GRIK3: variants seen among roughly 807,000 people sequenced by gnomAD.
The protein encoded by GRIK3 is glutamate receptor ionotropic, kainate 3.
In GRIK3, 29 loss-of-function variants were observed where a neutral mutation model predicts 102.5. The ratio of observed to expected loss-of-function variants is 0.28; its 90% confidence interval spans 0.21 to 0.39. The LOEUF is 0.39. Ranked by LOEUF, GRIK3 falls within the 10% of genes least tolerant of loss-of-function variation. The pLI is 1.00. For synonymous variants in GRIK3, 511 were observed against 504.9 expected (o/e 1.01, Z -0.16); for missense variants, 908 against 1,252.4 (o/e 0.73, Z 4.15).
At chr1:36,946,425 A>G (rs1028410714) in intron 1 of GRIK3, among the ~76,000 whole-genome samples, 2 of 152,222 alleles carry the variant, frequency 1.3e-5, no homozygotes, top group Non-Finnish European at 2.9e-5. Context: ...TTCAGGCTGC[A>G]GGAAGGATGC....
intron 1 of GRIK3, among the ~76,000 whole-genome samples, chr1:37,017,667 C>T (rs561587147): frequency 6.6e-6 from 1 of 152,102 alleles, no homozygotes; most frequent in Non-Finnish European, 1.5e-5. Flanking sequence ...GCTTGAGAAG[C>T]CGAGGGCAAA....
At position 36,873,843 on chromosome 1, in the gene GRIK3, A is replaced by C. The variant is rs1640871519; in HGVS notation, c.551-1474T>G. ...GTGTTAGAACAACTGGCACAAAAAG[A>C]GGGTGAGAAACACTCCCTTTTTCAC... On this transcript the variant is annotated intron_variant, in intron 3 of 15. Transcript: ENST00000373091. Among the ~76,000 whole-genome samples, 4 of 152,348 alleles carry C rather than the reference A, an allele frequency of 2.6e-5. No homozygotes were observed. The South Asian group carries it at 8.3e-4, about 32-fold the overall frequency.
chr1:36,966,175 A>G (rs1005817212), intron 1 of GRIK3, among the ~76,000 whole-genome samples: 4 of 152,194 alleles, frequency 2.6e-5, no homozygotes, highest in African/African-American at 4.8e-5. Context: ...ACTGATGTGC[A>G]CCTTATCTGT....
rs750054371 is a variant in GRIK3, at chr1:36,841,619, C to T, written c.1530+117G>A. 4.2e-4 allele frequency: 351 copies of T among 838,858 alleles called. 1 individual carries two copies. Among genetic ancestry groups the T allele is most frequent in the Non-Finnish European group, 5.3e-4 (267 of 507,832 alleles). 52.0% of individuals were successfully genotyped at this position (838,858 alleles called of 1,614,324 possible). On this transcript the variant is annotated intron_variant, in intron 10 of 15. Coordinates refer to ENST00000373091, the MANE Select transcript of GRIK3 (RefSeq NM_000831.4). Reference sequence around the variant, plus strand: ...TCCTCAAGGTTGCAGCATTCATCTCCATCACTCCTGTCCCCAGGGCCTTTT... The same window carrying T: ...TCCTCAAGGTTGCAGCATTCATCTCTATCACTCCTGTCCCCAGGGCCTTTT...
chr1:36,841,374 C>T (rs1044136590), intron 10 of GRIK3, among the ~76,000 whole-genome samples: 1 of 152,196 alleles, frequency 6.6e-6, no homozygotes, highest in Non-Finnish European at 1.5e-5. Context: ...TGCCTTGCCC[C>T]ATAGCTGGGG....
intron 1 of GRIK3, among the ~76,000 whole-genome samples, chr1:36,975,308 T>TTTTTTTTTTTTTTTTTG (rs1642184477): frequency 6.7e-6 from 1 of 149,230 alleles, no homozygotes; most frequent in Admixed American, 6.6e-5. Context: ...TTTTTTTTTT[T>TTTTTTTTTTTTTTTTTG]GAGAGGGAGT....
chr1:36,989,701 C>G (rs138987521), intron 1 of GRIK3, among the ~76,000 whole-genome samples: 1,658 of 152,268 alleles, frequency 0.011, 12 homozygotes, highest in Admixed American at 0.019. Flanking sequence ...AGGCCAGGTC[C>G]CAGACTGGCT....
chr1:36,973,283 G>A (rs1383454401), intron 1 of GRIK3, among the ~76,000 whole-genome samples: 1 of 152,112 alleles, frequency 6.6e-6, no homozygotes, highest in Admixed American at 6.5e-5. Context: ...CTCTGGCCTA[G>A]GAAAGTGCTT....
chr1:37,024,643 T>C (rs1490589836), intron 1 of GRIK3, among the ~76,000 whole-genome samples: 1 of 147,736 alleles, frequency 6.8e-6, no homozygotes, highest in Non-Finnish European at 1.5e-5. Context: ...CTCAGGAGGC[T>C]GAGGCAGGAG....
Position 36,872,210 on chromosome 1 carries a change from A to G in GRIK3, c.710T>C (p.Met237Thr), listed in dbSNP as rs377093904. 2 of 1,606,422 alleles carry G rather than the reference A, an allele frequency of 1.2e-6. No individual in the cohort carries two copies. The highest frequency in any genetic ancestry group is 1.1e-5 in the South Asian group (1 of 89,684). Residue 237 changes from methionine (M) to threonine (T), a missense_variant, in exon 4 of 16, where the codon ATG becomes ACG. Physicochemically the swap from Met to Thr is moderately conservative, Grantham distance 81. This residue lies in a region of GRIK3 where 585 missense variants were observed against 824.9 expected (regional missense o/e 0.71). Coordinates refer to ENST00000373091, the MANE Select transcript of GRIK3 (RefSeq NM_000831.4). This position sits in a 1 kb window ranked among gnomAD's most constrained non-coding sequence, Gnocchi z 5.9. ...FRIIFDCSHT[M>T]AAQILKQAMA... ...CACCTGCTTGAGGATCTGGGCCGCCATAGTGTGGCTGCAGTCGAAGATAAT... is the reference window on the plus strand; with the variant it reads ...CACCTGCTTGAGGATCTGGGCCGCCGTAGTGTGGCTGCAGTCGAAGATAAT...
chr1:36,891,132 G>A (rs1270404490), intron 1 of GRIK3, 36 bp from the exon 2 acceptor site: 2 of 1,522,868 alleles, frequency 1.3e-6, no homozygotes, highest in Non-Finnish European at 1.8e-6. Flanking sequence ...GTGGTTGGGA[G>A]GAGGGATGGG....
intron 1 of GRIK3, among the ~76,000 whole-genome samples, chr1:36,899,554 G>A (rs1486758889): frequency 1.3e-5 from 2 of 152,136 alleles, no homozygotes; most frequent in Non-Finnish European, 2.9e-5. Context: ...TATGGATATA[G>A]AGTTATAGAG....
chr1:36,975,011 C>G (rs1343287470), intron 1 of GRIK3, among the ~76,000 whole-genome samples: 2 of 151,978 alleles, frequency 1.3e-5, no homozygotes, highest in Non-Finnish European at 2.9e-5. Flanking sequence ...TAATGGGGAA[C>G]TATTGTTTCA....
At chr1:36,973,349 T>C (rs990522137) in intron 1 of GRIK3, among the ~76,000 whole-genome samples, 5 of 151,894 alleles carry the variant, frequency 3.3e-5, no homozygotes, top group African/African-American at 1.2e-4. Context: ...AAAAACACCC[T>C]TCCCACACTC....
At chr1:36,828,180 A>AGGAT (rs111285288) in intron 10 of GRIK3, among the ~76,000 whole-genome samples, 1 of 152,028 alleles carries the variant, frequency 6.6e-6, no homozygotes, top group African/African-American at 2.4e-5. Flanking sequence ...GGCTGTAGAT[A>AGGAT]GGATCCCTTG....
At chr1:36,960,926 G>A (rs529712145) in intron 1 of GRIK3, among the ~76,000 whole-genome samples, 1 of 152,216 alleles carries the variant, frequency 6.6e-6, no homozygotes, top group Non-Finnish European at 1.5e-5. Flanking sequence ...AGAGGAAAGA[G>A]TGCTGATTTG....
intron 1 of GRIK3, among the ~76,000 whole-genome samples, chr1:37,000,824 G>A (rs868053774): frequency 1.2e-4 from 19 of 152,282 alleles, no homozygotes; most frequent in Middle Eastern, 3.4e-3. Context: ...GAAAAGGTGA[G>A]CTTTGAAAAC....
intron 1 of GRIK3, among the ~76,000 whole-genome samples, chr1:36,895,565 T>C (rs1031682662): frequency 6.6e-6 from 1 of 151,946 alleles, no homozygotes; most frequent in Non-Finnish European, 1.5e-5. Context: ...CTTGAGGATA[T>C]CTCAATAGAA....
chr1:36,953,621 A>C (rs1009020141), intron 1 of GRIK3, among the ~76,000 whole-genome samples: 5 of 152,014 alleles, frequency 3.3e-5, no homozygotes, highest in Non-Finnish European at 7.4e-5. Context: ...AATCTGCACA[A>C]TGGGGCCATG....
Sources: gnomAD v4.1 joint callset for allele counts (sites outside exome capture counted in the v4.1 genomes callset) on GRCh38, gnomAD v4.1.1 for gene constraint, gnomAD v4.1.1 regional missense constraint, Gnocchi (gnomAD v3.1) non-coding constraint, MANE v1.5 for transcripts, NCBI Gene and HGNC (gene_info 2026-07-23, HGNC 2026-07-21) for gene names.